The following WASF1 variants were observed in gnomAD, a reference collection of about 807,000 sequenced individuals.
WASF1 encodes the protein actin-binding protein WASF1.
WASF1 carries 7 observed loss-of-function variants against 50.5 expected under a neutral mutation model. That is an observed-to-expected ratio of 0.14 (90% confidence interval 0.08 to 0.26). The LOEUF (loss-of-function observed/expected upper bound fraction) is 0.26, where lower values mean the gene tolerates loss of function less well. Ranked by LOEUF, WASF1 falls within the 10% of genes least tolerant of loss-of-function variation. WASF1 has a pLI of 1.00. For missense variants in WASF1, 470 were observed against 694.7 expected (o/e 0.68, Z 3.64); for synonymous variants, 205 against 244.0 (o/e 0.84, Z 1.49).
intron 4 of WASF1, among the ~76,000 whole-genome samples, chr6:110,119,958 G>A (rs1485276557): frequency 1.3e-5 from 2 of 152,156 alleles, no homozygotes; most frequent in Non-Finnish European, 2.9e-5. Context: ...TTTCTCAATA[G>A]CTGCAGAAAA....
chr6:110,150,798 G>A (rs1444966498), intron 3 of WASF1, among the ~76,000 whole-genome samples: 1 of 152,196 alleles, frequency 6.6e-6, no homozygotes, highest in Non-Finnish European at 1.5e-5. Context: ...CACTTTGGGA[G>A]GCTGAGGCGG....
chr6:110,152,931 T>C (rs1374408109), intron 3 of WASF1, among the ~76,000 whole-genome samples: 1 of 152,184 alleles, frequency 6.6e-6, no homozygotes, highest in African/African-American at 2.4e-5. Context: ...CAAGGACCAC[T>C]GACCTGTCAC....
intron 3 of WASF1, among the ~76,000 whole-genome samples, chr6:110,147,624 T>C (rs151179101): frequency 4.6e-5 from 7 of 152,326 alleles, no homozygotes; most frequent in African/African-American, 1.7e-4. Context: ...AATAGTAGTA[T>C]TTTCTTATGT....
intron 3 of WASF1, among the ~76,000 whole-genome samples, chr6:110,135,352 CCTTT>C (rs1392289620): frequency 6.6e-6 from 1 of 151,916 alleles, no homozygotes; most frequent in Non-Finnish European, 1.5e-5. Flanking sequence ...ATCTGGATGC[CCTTT>C]CTTTTTCGTT....
At chr6:110,134,910 GAC>G (rs1385184007) in intron 3 of WASF1, among the ~76,000 whole-genome samples, 1 of 152,068 alleles carries the variant, frequency 6.6e-6, no homozygotes, top group Admixed American at 6.5e-5. Context: ...TGTGAAGAAT[GAC>G]AGTGGTATTT....
rs1775346152 is a variant in WASF1, at chr6:110,143,307, G to A, written c.-28-15678C>T. 3.3e-5 allele frequency among the ~76,000 whole-genome samples: 5 copies of A among 151,914 alleles called. 1 individual carries two copies. In the South Asian group the frequency reaches 1.0e-3, roughly 32 times the overall value. On this transcript the variant is annotated intron_variant, in intron 3 of 10. Transcript: ENST00000392589. The stretch of plus-strand genomic sequence containing the variant: ...AGAAGGCAAGGAAAATGAAACTACT[G>A]AAATCTAACCATAGCAAAATGTTTG...
chr6:110,120,165 AAC>A (rs1774028237), intron 4 of WASF1, among the ~76,000 whole-genome samples: 1 of 152,226 alleles, frequency 6.6e-6, no homozygotes, highest in Admixed American at 6.5e-5. Context: ...ACTCCTATTC[AAC>A]ACAGTGTTGG....
chr6:110,100,203 A>G lies in WASF1; in HGVS notation c.*319T>C, dbSNP rs1257950726. 1 of 176,048 alleles carries G rather than the reference A, an allele frequency of 5.7e-6. No homozygotes were observed. The allele number at this position is 176,048 out of a possible 1,614,324, so 10.9% of individuals were successfully genotyped here. A position where few individuals can be genotyped will look rare whatever the true frequency, so the allele number is the denominator to read the frequency against. ...CAATTTCAGTTGCTTTCTTTAAATT[A>G]AAATTCACAAAGTACACAATTAAGA... On this transcript the variant is annotated 3_prime_UTR_variant, in exon 11 of 11. Transcript: ENST00000392589.
intron 4 of WASF1, among the ~76,000 whole-genome samples, chr6:110,124,235 C>CCTCTCTCTCTCTCTCTCT: frequency 9.1e-5 from 1 of 11,032 alleles, no homozygotes; most frequent in African/African-American, 3.0e-4. Context: ...TCCTCTCTCT[C>CCTCTCTCTCTCTCTCTCT]CTCTCTCTCT....
chr6:110,131,128 T>C (rs1774649304), intron 3 of WASF1, among the ~76,000 whole-genome samples: 2 of 152,324 alleles, frequency 1.3e-5, no homozygotes, highest in African/African-American at 2.4e-5. Flanking sequence ...TCCACTTTCT[T>C]AGTGATGTCT....
chr6:110,127,171 G>T (rs1280965469), intron 4 of WASF1, among the ~76,000 whole-genome samples: 1 of 152,098 alleles, frequency 6.6e-6, no homozygotes, highest in Non-Finnish European at 1.5e-5. Flanking sequence ...CCAAGGAAAA[G>T]TACAACTCTG....
chr6:110,104,394 T>C (rs1389861829), intron 8 of WASF1, among the ~76,000 whole-genome samples: 1 of 152,242 alleles, frequency 6.6e-6, no homozygotes, highest in Non-Finnish European at 1.5e-5. Context: ...CTCTCAGATG[T>C]ATATTTCTCC....
chr6:110,130,357 T>C (rs1333860581), intron 3 of WASF1, among the ~76,000 whole-genome samples: 3 of 152,242 alleles, frequency 2.0e-5, no homozygotes, highest in Non-Finnish European at 2.9e-5. Context: ...CTCCCCAAGA[T>C]AGGTAACCTT....
At chr6:110,164,480 G>A (rs983953332) in intron 2 of WASF1, among the ~76,000 whole-genome samples, 1 of 151,660 alleles carries the variant, frequency 6.6e-6, no homozygotes, top group African/African-American at 2.4e-5. Context: ...CATGCATCAT[G>A]TGTCAGTAGG....
At chr6:110,138,816 A>G (rs1049925771) in intron 3 of WASF1, among the ~76,000 whole-genome samples, 3 of 152,158 alleles carry the variant, frequency 2.0e-5, no homozygotes, top group Non-Finnish European at 1.5e-5. Flanking sequence ...GGGCTTGGAA[A>G]AGACACCATA....
Position 110,105,590 on chromosome 6 carries a change from T to G in WASF1, c.541-11A>C. On this transcript the variant is annotated splice_polypyrimidine_tract_variant and intron_variant, in intron 7 of 10. Coordinates refer to ENST00000392589, the MANE Select transcript of WASF1 (RefSeq NM_003931.3). ...ATCTAGATTTTTCTGCTATAACAGA[T>G]GTATTGAAACAAAGTCAAATGCTTA... 1 of 1,609,686 alleles carries G rather than the reference T, an allele frequency of 6.2e-7. No homozygotes were observed. Among genetic ancestry groups the G allele is most frequent in the Non-Finnish European group, 8.5e-7 (1 of 1,178,462 alleles).
intron 3 of WASF1, 103 bp from the exon 4 acceptor site, chr6:110,127,732 C>T (rs1192774477): frequency 1.8e-6 from 2 of 1,126,348 alleles, no homozygotes; most frequent in East Asian, 3.1e-5. Flanking sequence ...CCTTGAACAA[C>T]ATGGATTTGA....
intron 4 of WASF1, among the ~76,000 whole-genome samples, chr6:110,115,679 A>G (rs1450835405): frequency 6.6e-6 from 1 of 152,210 alleles, no homozygotes; most frequent in African/African-American, 2.4e-5. Flanking sequence ...AAGACTGTCA[A>G]CACTATGGAA....
intron 3 of WASF1, among the ~76,000 whole-genome samples, chr6:110,141,310 T>A (rs1005124059): frequency 2.0e-5 from 3 of 152,158 alleles, no homozygotes; most frequent in African/African-American, 7.2e-5. Context: ...CTCTAATTAT[T>A]CTAAATATAT....
Sources: gnomAD v4.1 joint callset for allele counts (sites outside exome capture counted in the v4.1 genomes callset) on GRCh38, gnomAD v4.1.1 for gene constraint, MANE v1.5 for transcripts, NCBI Gene and HGNC (gene_info 2026-07-23, HGNC 2026-07-21) for gene names.